The following CDK20 variants were observed in gnomAD, a reference collection of about 807,000 sequenced individuals.
The protein encoded by CDK20 is cyclin dependent kinase 20.
In CDK20, 40 loss-of-function variants were observed where a neutral mutation model predicts 38.6. The observed-to-expected ratio is 1.04, with a 90% confidence interval of 0.81 to 1.35. The LOEUF (loss-of-function observed/expected upper bound fraction) is 1.35, where lower values mean the gene tolerates loss of function less well. Ranked by LOEUF, CDK20 falls within the 40% of genes most tolerant of loss-of-function variation. The pLI, the probability that CDK20 is intolerant of heterozygous loss-of-function variation, is 0.00. For synonymous variants in CDK20, 209 were observed against 185.7 expected (o/e 1.13, Z -1.02); for missense variants, 512 against 452.6 (o/e 1.13, Z -1.19).
rs780866937 is a variant in CDK20 at position 87,966,798 on chromosome 9, C to G, written c.*664G>C. ...TCCCTGGGCCTAGACTTCTGTCTCC[C>G]TCACTTCTAAATGAGTGCTCAGTGA... On this transcript the variant is annotated 3_prime_UTR_variant, in exon 8 of 8. Transcript: ENST00000325303. 3 of 342,218 alleles carry G rather than the reference C, an allele frequency of 8.8e-6. No individual in the cohort carries two copies. Among genetic ancestry groups the G allele is most frequent in the African/African-American group, 2.1e-5 (1 of 46,528 alleles). The allele number at this position is 342,218 out of a possible 1,614,324, so 21.2% of individuals were successfully genotyped here. A position where few individuals can be genotyped will look rare whatever the true frequency, so the allele number is the denominator to read the frequency against.
intron 7 of CDK20, chr9:87,967,928 G>A: frequency 2.9e-6 from 1 of 350,508 alleles, no homozygotes; most frequent in East Asian, 4.9e-5. Context: ...AATGATTAGT[G>A]CAGTGGAAGA....
rs1488836256 is a variant in CDK20, at chr9:87,967,582, C to T, written c.921G>A (p.Gly307=). 1 of 1,540,328 alleles carries T rather than the reference C, an allele frequency of 6.5e-7. No individual in the cohort carries two copies. Among genetic ancestry groups the T allele is most frequent in the African/African-American group, 1.4e-5 (1 of 72,788 alleles). The change falls in exon 8 of 8, where the codon GGG becomes GGA. Residue 307 remains glycine, a synonymous_variant. Coordinates refer to ENST00000325303, the MANE Select transcript of CDK20 (RefSeq NM_001039803.3). ...PSELPIPQRL[G]GPAPKAHPGP... ...CTGGATGGGCCTTGGGGGCAGGTCCCCCTAGACGCTGAGGAATCGGCAGCT... is the reference window on the plus strand; with the variant it reads ...CTGGATGGGCCTTGGGGGCAGGTCCTCCTAGACGCTGAGGAATCGGCAGCT...
chr9:87,967,654 G>A lies in CDK20; in HGVS notation c.849C>T (p.Leu283=), dbSNP rs1829525839. 2 of 1,476,400 alleles carry A rather than the reference G, an allele frequency of 1.4e-6. No individual in the cohort carries two copies. Among genetic ancestry groups the A allele is most frequent in the Non-Finnish European group, 1.8e-6 (2 of 1,110,070 alleles). 91.5% of individuals were successfully genotyped at this position (1,476,400 alleles called of 1,614,324 possible). ...PHQRIAASKA[L]LHQYFFTAPL... ...GAGCTGTGAAGAAGTACTGATGGAG[G>A]AGAGCCTGAGGGTGGCAAGTAAGGA... The change falls in exon 8 of 8, where the codon CTC becomes CTT. Residue 283 remains leucine (L), a synonymous_variant. Coordinates refer to ENST00000325303, the MANE Select transcript of CDK20 (RefSeq NM_001039803.3).
In CDK20 at chr9:87,969,198, G is replaced by A. The variant is rs1179745276; in HGVS notation, c.839C>T (p.Ser280Phe). 8.7e-6 allele frequency: 14 copies of A among 1,613,750 alleles called. No individual in the cohort carries two copies. The Admixed American group carries it at 1.8e-4, about 21-fold the overall frequency. ...LYPPHQRIAA[S>F]KALLHQYFFT... ...GACTACAGCCTCTCCCCCTACCTTG[G>A]AAGCTGCGATGCGCTGGTGAGGAGG... is the stretch of plus-strand genomic sequence containing the variant. The change falls in exon 7 of 8, where the codon TCC becomes TTC. Residue 280 changes from serine (S) to phenylalanine (F), a missense_variant. Physicochemically the swap from Ser to Phe is radical, Grantham distance 155. Coordinates refer to ENST00000325303, the MANE Select transcript of CDK20 (RefSeq NM_001039803.3).
chr9:87,967,890 A>G, intron 7 of CDK20: 1 of 491,298 alleles, frequency 2.0e-6, no homozygotes, highest in Non-Finnish European at 3.6e-6. Context: ...AATAAACAAG[A>G]TGAAGTAAAA....
At chr9:87,973,877 G>T in intron 2 of CDK20, 45 bp downstream of exon 2, 1 of 1,583,058 alleles carries the variant, frequency 6.3e-7, no homozygotes, top group Non-Finnish European at 8.6e-7. Flanking sequence ...AAGTGGGAAC[G>T]AGCGACTGAG....
intron 2 of CDK20, among the ~76,000 whole-genome samples, chr9:87,971,885 T>C (rs1230849420): frequency 6.6e-6 from 1 of 152,116 alleles, no homozygotes; most frequent in Non-Finnish European, 1.5e-5. Context: ...AAGGGATATA[T>C]TCAGATTCTG....
chr9:87,966,787 C>T lies in CDK20; in HGVS notation c.*675G>A, dbSNP rs961145083. The T allele has an allele frequency of 2.9e-6, 1 of 339,500 alleles. No homozygotes were observed. Among genetic ancestry groups the T allele is most frequent in the Non-Finnish European group, 5.8e-6 (1 of 172,154 alleles). 21.0% of individuals were successfully genotyped at this position (339,500 alleles called of 1,614,324 possible). A position where few individuals can be genotyped will look rare whatever the true frequency, so the allele number is the denominator to read the frequency against. On this transcript the variant is annotated 3_prime_UTR_variant, in exon 8 of 8. Transcript: ENST00000325303. ...AACTGGAGCCATCCCTGGGCCTAGA[C>T]TTCTGTCTCCCTCACTTCTAAATGA...
At position 87,973,971 on chromosome 9, in the gene CDK20, TG is replaced by T; in HGVS notation, c.139del (p.Gln47ArgfsTer21). 7 of 1,614,122 alleles carry T rather than the reference TG, an allele frequency of 4.3e-6. No homozygotes were observed. Among genetic ancestry groups the T allele is most frequent in the Non-Finnish European group, 5.9e-6 (7 of 1,179,988 alleles). On this transcript the variant is annotated frameshift_variant, in exon 2 of 8. Coordinates refer to ENST00000325303, the MANE Select transcript of CDK20 (RefSeq NM_001039803.3). LOFTEE classifies it high-confidence loss of function. ...CAGAGCCTTAATCTCCCGCAGGGCC[TG>T]GTTAGGGAAGCCGTCCTCCAACCGC... is the stretch of plus-strand genomic sequence containing the variant. ...LRRLEDGFPNQALREIKALQE... is the reference protein window; with the variant it reads ...LRRLEDGFPNXALREIKALQE...
chr9:87,973,880 CGACT>C, intron 2 of CDK20, 38 bp downstream of exon 2: 1 of 1,585,524 alleles, frequency 6.3e-7, no homozygotes, highest in Non-Finnish European at 8.6e-7. Context: ...TGGGAACGAG[CGACT>C]GAGGGTGAGA....
chr9:87,970,174 A>T, intron 5 of CDK20: 1 of 454,606 alleles, frequency 2.2e-6, no homozygotes. Flanking sequence ...ACCTGCCCCA[A>T]ATCTCAGACC....
Position 87,970,911 on chromosome 9 carries a change from A to G in CDK20, c.379-14T>C. ...AGGTTTCAGGTCCTGGGAGTACCAA[A>G]AGAAGCATCAGTCCCTCCAAATCCC... is the stretch of plus-strand genomic sequence containing the variant. On this transcript the variant is annotated splice_polypyrimidine_tract_variant and intron_variant, in intron 3 of 7. Coordinates refer to ENST00000325303, the MANE Select transcript of CDK20 (RefSeq NM_001039803.3). 1.2e-6 allele frequency: 2 copies of G among 1,614,052 alleles called. No individual in the cohort carries two copies. The highest frequency in any genetic ancestry group is 1.7e-6 in the Non-Finnish European group (2 of 1,179,970).
chr9:87,970,927 T>C (rs767791799), intron 3 of CDK20, 30 bp from the exon 4 acceptor site: 1 of 1,613,664 alleles, frequency 6.2e-7, no homozygotes, highest in Non-Finnish European at 8.5e-7. Flanking sequence ...CATCAGTCCC[T>C]CCAAATCCCC....
intron 7 of CDK20, chr9:87,968,126 A>T: frequency 6.4e-6 from 1 of 155,040 alleles, no homozygotes; most frequent in Admixed American, 6.3e-5. Flanking sequence ...AGCACAGGGC[A>T]CAACAGCAGG....
At chr9:87,969,470 G>T in intron 6 of CDK20, 121 bp from the exon 7 acceptor site, 3 of 1,102,712 alleles carry the variant, frequency 2.7e-6, no homozygotes, top group African/African-American at 1.5e-5. Flanking sequence ...CCATCCATGT[G>T]TCTCCCTGAC....
rs769299700 is a variant in CDK20, at chr9:87,974,030, G to A, written c.81C>T (p.Gly27=). The change falls in exon 2 of 8, where the codon GGC becomes GGT. Residue 27 remains glycine, a synonymous_variant. Coordinates refer to ENST00000325303, the MANE Select transcript of CDK20 (RefSeq NM_001039803.3). ...IVFKAKHVET[G]EIVALKKVAL... ...CCACCTTCTTGAGGGCAACTATCTC[G>A]CCAGTCTGCAGGATAGAAGGCAGAC... The A allele has an allele frequency of 6.2e-6, 10 of 1,614,060 alleles. No individual in the cohort carries two copies. The South Asian group carries it at 7.7e-5, about 12-fold the overall frequency.
intron 6 of CDK20, 98 bp downstream of exon 6, chr9:87,969,698 G>T: frequency 6.4e-7 from 1 of 1,560,130 alleles, no homozygotes; most frequent in Non-Finnish European, 8.7e-7. Context: ...GGGGGGTTGG[G>T]GCCAGGAGAG....
intron 2 of CDK20, among the ~76,000 whole-genome samples, chr9:87,972,618 T>A (rs1364574424): frequency 6.6e-6 from 1 of 152,186 alleles, no homozygotes; most frequent in East Asian, 1.9e-4. Flanking sequence ...TAACTTACAC[T>A]TTTGACAAAG....
At chr9:87,971,360 C>CTCAAGTCA in intron 2 of CDK20, 25 bp from the exon 3 acceptor site, 1 of 1,591,298 alleles carries the variant, frequency 6.3e-7, no homozygotes, top group Non-Finnish European at 8.6e-7. Context: ...TCTTGTTAGC[C>CTCAAGTCA]CCCAGACTCA....
Sources: allele counts gnomAD v4.1 joint callset (sites outside exome capture counted in the v4.1 genomes callset), GRCh38; gene constraint gnomAD v4.1.1; transcripts MANE v1.5; gene names NCBI Gene and HGNC (gene_info 2026-07-23, HGNC 2026-07-21).